The following PRKN variants were observed in gnomAD, a reference collection of about 807,000 sequenced individuals.
PRKN encodes E3 ubiquitin-protein ligase parkin.
PRKN carries 56 observed loss-of-function variants against 59.5 expected under a neutral mutation model. The ratio of observed to expected loss-of-function variants is 0.94; its 90% CI spans 0.76 to 1.18. The LOEUF is 1.18. Ranked by LOEUF, PRKN falls within the 50% of genes most tolerant of loss-of-function variation. The pLI, the probability that PRKN is intolerant of heterozygous loss-of-function variation, is 0.00. For synonymous variants in PRKN, 250 were observed against 222.1 expected (o/e 1.13, Z -1.12); for missense variants, 657 against 596.4 (o/e 1.10, Z -1.06).
At chr6:161,746,284 A>G (rs1458035531) in intron 7 of PRKN, among the ~76,000 whole-genome samples, 1 of 152,112 alleles carries the variant, frequency 6.6e-6, no homozygotes, top group Non-Finnish European at 1.5e-5. Flanking sequence ...GTGTTCTTCA[A>G]GATGGAACTG....
At chr6:162,621,544 G>C (rs6455842) in intron 1 of PRKN, among the ~76,000 whole-genome samples, 1 of 151,982 alleles carries the variant, frequency 6.6e-6, no homozygotes, top group Non-Finnish European at 1.5e-5. Flanking sequence ...TCAACCAGCC[G>C]AATCAGACAC....
In PRKN at chr6:162,301,789, G is replaced by T. The variant is rs796152028; in HGVS notation, c.172-39024C>A. Among the ~76,000 whole-genome samples, 72 of 101,964 alleles carry T rather than the reference G, an allele frequency of 7.1e-4. 3 individuals are homozygous for T. In the South Asian group the frequency reaches 0.018, roughly 25 times the overall value. The allele number at this position is 101,964 out of a possible 152,430, so 66.9% of individuals were successfully genotyped here. ...GCAAATAAATTGGCCGGGGCGGGGG[G>T]GGGGTGCAGAATTCACTTTCCCTGA... On this transcript the variant is annotated intron_variant, in intron 2 of 11. Coordinates refer to ENST00000366898, the MANE Select transcript of PRKN (RefSeq NM_004562.3).
Position 162,088,417 on chromosome 6 carries a change from A to C in PRKN, c.535-34243T>G, listed in dbSNP as rs188746582. On this transcript the variant is annotated intron_variant, in intron 4 of 11. Transcript: ENST00000366898. ...GATAGCTAGTTTTAAAATTTACTGGATATTTTGTCAATTTTCTAAGCTACT... is the reference window on the plus strand; with the variant it reads ...GATAGCTAGTTTTAAAATTTACTGGCTATTTTGTCAATTTTCTAAGCTACT... Among the ~76,000 whole-genome samples the C allele has an allele frequency of 1.4e-3, 213 of 152,326 alleles. 1 individual carries two copies. Among genetic ancestry groups the C allele is most frequent in the Non-Finnish European group, 1.9e-3 (132 of 68,038 alleles).
intron 1 of PRKN, chr6:162,727,332 G>GGGGCGAAGGTGAGGGGCGGCGGCT: frequency 2.6e-6 from 1 of 391,490 alleles, no homozygotes; most frequent in East Asian, 4.8e-5. Flanking sequence ...GGGCGGCGGC[G>GGGGCGAAGGTGAGGGGCGGCGGCT]GGGAGAAGGC....
chr6:161,505,709 G>A (rs1340308071), intron 9 of PRKN, among the ~76,000 whole-genome samples: 1 of 96,832 alleles, frequency 1.0e-5, no homozygotes, highest in Non-Finnish European at 2.1e-5. Flanking sequence ...TGTATAAGGT[G>A]TAAGGAAGGG....
At chr6:162,310,103 A>T (rs545454790) in intron 2 of PRKN, among the ~76,000 whole-genome samples, 2 of 152,274 alleles carry the variant, frequency 1.3e-5, no homozygotes, top group East Asian at 3.9e-4. Flanking sequence ...TTCTTTATCT[A>T]GTCTGTATGA....
intron 6 of PRKN, among the ~76,000 whole-genome samples, chr6:161,960,552 T>C (rs562159986): frequency 3.3e-5 from 5 of 152,334 alleles, no homozygotes; most frequent in East Asian, 3.9e-4. Flanking sequence ...GGTCTATGTA[T>C]ACTTCCATAT....
At chr6:162,103,446 T>C (rs1226407334) in intron 4 of PRKN, among the ~76,000 whole-genome samples, 1 of 152,142 alleles carries the variant, frequency 6.6e-6, no homozygotes, top group Non-Finnish European at 1.5e-5. Flanking sequence ...TTATCTCTTA[T>C]AATACGGACG....
chr6:161,640,819 G>GA (rs1228894586), intron 7 of PRKN, among the ~76,000 whole-genome samples: 3 of 152,108 alleles, frequency 2.0e-5, no homozygotes, highest in African/African-American at 7.2e-5. Flanking sequence ...ATCAACTGGA[G>GA]AAAAAAAGCT....
chr6:162,428,208 C>T (rs765392173), intron 2 of PRKN, among the ~76,000 whole-genome samples: 2 of 152,144 alleles, frequency 1.3e-5, no homozygotes, highest in Non-Finnish European at 2.9e-5. Context: ...AACAAGCATG[C>T]TAATCAAATT....
intron 7 of PRKN, among the ~76,000 whole-genome samples, chr6:161,722,972 T>C (rs1365627628): frequency 6.6e-6 from 1 of 152,176 alleles, no homozygotes; most frequent in Admixed American, 6.5e-5. Context: ...ATTTAGGAGT[T>C]AAACAGTGCA....
intron 4 of PRKN, among the ~76,000 whole-genome samples, chr6:162,097,754 A>C (rs1166104326): frequency 6.6e-6 from 1 of 152,226 alleles, no homozygotes; most frequent in African/African-American, 2.4e-5. Context: ...GATTAAGTAC[A>C]CCATAAAATA....
At chr6:162,434,614 A>T (rs1213142279) in intron 2 of PRKN, among the ~76,000 whole-genome samples, 1 of 152,194 alleles carries the variant, frequency 6.6e-6, no homozygotes, top group Non-Finnish European at 1.5e-5. Flanking sequence ...TTTAACATAA[A>T]CTATTATAAC....
chr6:162,269,961 A>C (rs1233776711), intron 2 of PRKN: 1 of 152,176 alleles, frequency 6.6e-6, no homozygotes, highest in Non-Finnish European at 1.5e-5. Flanking sequence ...AATAGTGTGG[A>C]GATTCCTTAG....
At chr6:162,485,771 G>A (rs983269680) in intron 1 of PRKN, among the ~76,000 whole-genome samples, 7 of 152,142 alleles carry the variant, frequency 4.6e-5, no homozygotes, top group South Asian at 2.1e-4. Flanking sequence ...GTCGCCTACT[G>A]GAGTGCACAG....
intron 5 of PRKN, among the ~76,000 whole-genome samples, chr6:162,009,753 T>G (rs974382015): frequency 6.6e-6 from 1 of 151,368 alleles, no homozygotes; most frequent in South Asian, 2.1e-4. Context: ...ATGGCCAACA[T>G]AGCAAAACCC....
At chr6:162,401,878 A>G (rs893009185) in intron 2 of PRKN, among the ~76,000 whole-genome samples, 1 of 152,176 alleles carries the variant, frequency 6.6e-6, no homozygotes, top group Non-Finnish European at 1.5e-5. Context: ...CAATTTCCAC[A>G]GAAGCAAACA....
At chr6:162,711,868 A>G (rs1014948049) in intron 1 of PRKN, among the ~76,000 whole-genome samples, 7 of 152,220 alleles carry the variant, frequency 4.6e-5, no homozygotes, top group African/African-American at 1.7e-4. Flanking sequence ...TGCGCAGATC[A>G]TATTAGGTAG....
At chr6:162,329,790 T>C (rs1783490357) in intron 2 of PRKN, among the ~76,000 whole-genome samples, 1 of 152,164 alleles carries the variant, frequency 6.6e-6, no homozygotes, top group Non-Finnish European at 1.5e-5. Flanking sequence ...AAATAAATCC[T>C]GTAAAACCAC....
Sources: allele counts gnomAD v4.1 joint callset (sites outside exome capture counted in the v4.1 genomes callset), GRCh38; gene constraint gnomAD v4.1.1; transcripts MANE v1.5; gene names NCBI Gene and HGNC (gene_info 2026-07-23, HGNC 2026-07-21).